The following NLRC4 variants were observed in gnomAD, a reference collection of about 807,000 sequenced individuals.
NLRC4 encodes NLR family CARD domain containing 4.
NLRC4 carries 63 observed loss-of-function variants against 79.9 expected under a neutral mutation model. That is an observed-to-expected ratio of 0.79 (90% CI 0.64 to 0.97). The LOEUF (loss-of-function observed/expected upper bound fraction) is 0.97. Ranked by LOEUF, NLRC4 falls within the 50% of genes least tolerant of loss-of-function variation. NLRC4 has a pLI of 0.00. For missense variants in NLRC4, 1,074 were observed against 1,215.2 expected (o/e 0.88, Z 1.73); for synonymous variants, 461 against 456.5 (o/e 1.01, Z -0.12).
chr2:32,236,187 A>G, intron 7 of NLRC4, 60 bp downstream of exon 7: 1 of 1,055,610 alleles, frequency 9.5e-7, no homozygotes. Context: ...CAGGCTATGT[A>G]TTTCGACTAC....
chr2:32,248,180 A>AC (rs1173881308), intron 4 of NLRC4, among the ~76,000 whole-genome samples: 1 of 152,194 alleles, frequency 6.6e-6, no homozygotes, highest in Non-Finnish European at 1.5e-5. Context: ...TATATATCTA[A>AC]CATTTTCACA....
chr2:32,225,546 T>C (rs919640433), intron 8 of NLRC4, among the ~76,000 whole-genome samples: 3 of 152,142 alleles, frequency 2.0e-5, no homozygotes, highest in Admixed American at 2.0e-4. Context: ...AAAATACCTT[T>C]CTTTCAGGTT....
chr2:32,257,844 G>A (rs1687244828), intron 1 of NLRC4, among the ~76,000 whole-genome samples: 1 of 152,034 alleles, frequency 6.6e-6, no homozygotes, highest in Non-Finnish European at 1.5e-5. Flanking sequence ...GGGCTGTGGG[G>A]TTCCAATCCC....
At chr2:32,254,869 C>G (rs1290625687) in intron 2 of NLRC4, among the ~76,000 whole-genome samples, 2 of 151,790 alleles carry the variant, frequency 1.3e-5, no homozygotes, top group African/African-American at 4.9e-5. Flanking sequence ...CTGCCCGTCT[C>G]AGCTTCCCAA....
At position 32,250,338 on chromosome 2, in the gene NLRC4, AG is replaced by A; in HGVS notation, c.1525del (p.Leu509SerfsTer29). On this transcript the variant is annotated frameshift_variant, in exon 4 of 9. Transcript: ENST00000402280. LOFTEE classifies it high-confidence loss of function. This position sits in a 1 kb window ranked among gnomAD's most constrained non-coding sequence, Gnocchi z 4.9. ...VEATRAVMKHLAAVYQHGCLL... is the reference protein window; with the variant it reads ...VEATRAVMKHXAAVYQHGCLL... ...GCAGCCGTGTTGATACACTGCTGCG[AG>A]GTGCTTCATAACAGCCCTGGTGGCT... is the stretch of plus-strand genomic sequence containing the variant. The A allele has an allele frequency of 6.2e-7, 1 of 1,614,204 alleles. No individual in the cohort carries two copies. The highest frequency in any genetic ancestry group is 8.5e-7 in the Non-Finnish European group (1 of 1,180,032).
chr2:32,249,827 A>G lies in NLRC4; in HGVS notation c.2037T>C (p.Tyr679=), dbSNP rs770457586. 1.2e-6 allele frequency: 2 copies of G among 1,614,184 alleles called. No homozygotes were observed. Among genetic ancestry groups the G allele is most frequent in the Admixed American group, 1.7e-5 (1 of 60,016 alleles). ...TGGCAGAGCTGAATATTTTCCCCAG[A>G]TATCTGATATCTTGCTTATTCAACT... ...FSKLNKQDIR[Y]LGKIFSSATS... Residue 679 remains tyrosine, a synonymous_variant, in exon 4 of 9, where the codon TAT becomes TAC. Transcript: ENST00000402280.
upstream of NLRC4, chr2:32,265,507 A>C (rs1687444997): frequency 6.6e-6 from 1 of 152,342 alleles, no homozygotes; most frequent in Non-Finnish European, 1.5e-5. Flanking sequence ...ATGCTTAACC[A>C]TGGGAGATAG....
At chr2:32,236,864 G>GAAAA (rs1020998082) in intron 6 of NLRC4, among the ~76,000 whole-genome samples, 1 of 64,532 alleles carries the variant, frequency 1.5e-5, no homozygotes, top group South Asian at 3.5e-4. Context: ...AAATGGATGA[G>GAAAA]AAAAAAAACA....
intron 8 of NLRC4, among the ~76,000 whole-genome samples, chr2:32,233,349 A>ATATATATATATATATATATATAT (rs1418146489): frequency 2.4e-5 from 1 of 41,098 alleles, no homozygotes; most frequent in Non-Finnish European, 4.4e-5. Flanking sequence ...ATATATATAT[A>ATATATATATATATATATATATAT]TTTTTTTTTT....
intron 3 of NLRC4, among the ~76,000 whole-genome samples, chr2:32,251,943 G>A (rs1240557020): frequency 6.6e-6 from 1 of 152,140 alleles, no homozygotes; most frequent in Admixed American, 6.5e-5. Flanking sequence ...CCTTCACTCT[G>A]AGTAAAATCT....
chr2:32,250,037 C>A lies in NLRC4; in HGVS notation c.1827G>T (p.Leu609=). ...FEHLPNCASA[L]DFIKLDFYGG... is the part of the protein sequence containing the mutation. ...CATAAAAGTCCAGTTTAATGAAGTC[C>A]AGGGCACTTGCACAATTGGGCAAAT... The change falls in exon 4 of 9, where the codon CTG becomes CTT. Residue 609 remains leucine (L), a synonymous_variant. Transcript: ENST00000402280. The surrounding 1 kb of genome is among the most constrained non-coding windows in gnomAD (Gnocchi z 4.9). 6.8e-6 allele frequency: 11 copies of A among 1,614,170 alleles called. No homozygotes were observed. The highest frequency in any genetic ancestry group is 9.3e-6 in the Non-Finnish European group (11 of 1,180,042).
chr2:32,249,019 T>A (rs773789980), intron 4 of NLRC4, among the ~76,000 whole-genome samples: 3 of 152,244 alleles, frequency 2.0e-5, no homozygotes, highest in African/African-American at 7.2e-5. Context: ...ACAGACTGGT[T>A]CTGGCTGGTT....
At chr2:32,235,921 A>G (rs949678202) in intron 7 of NLRC4, among the ~76,000 whole-genome samples, 9 of 152,110 alleles carry the variant, frequency 5.9e-5, no homozygotes, top group Admixed American at 2.0e-4. Flanking sequence ...ATCACATATC[A>G]CTATCACACC....
At position 32,252,691 on chromosome 2, in the gene NLRC4, G is replaced by A. The variant is rs761516357; in HGVS notation, c.2-12C>T. Reference sequence around the variant, plus strand: ...CTTTATGAAATTCACTGAGGAGATGGGGAGAAATATACATATTTATTTACT... The same window carrying A: ...CTTTATGAAATTCACTGAGGAGATGAGGAGAAATATACATATTTATTTACT... On this transcript the variant is annotated splice_polypyrimidine_tract_variant and intron_variant, in intron 2 of 8. Coordinates refer to ENST00000402280, the MANE Select transcript of NLRC4 (RefSeq NM_001199138.2). 2 of 1,608,256 alleles carry A rather than the reference G, an allele frequency of 1.2e-6. No individual in the cohort carries two copies. The highest frequency in any genetic ancestry group is 1.3e-5 in the African/African-American group (1 of 74,732).
chr2:32,258,279 T>C (rs1156339709), intron 1 of NLRC4, among the ~76,000 whole-genome samples: 3 of 152,196 alleles, frequency 2.0e-5, no homozygotes, highest in Non-Finnish European at 4.4e-5. Context: ...GACGTCCAGC[T>C]GCTTGTATGT....
intron 8 of NLRC4, among the ~76,000 whole-genome samples, chr2:32,232,480 C>G (rs906323185): frequency 2.6e-5 from 4 of 152,196 alleles, no homozygotes; most frequent in Non-Finnish European, 5.9e-5. Flanking sequence ...TTTCATACCT[C>G]TCATTCCACA....
intron 8 of NLRC4, among the ~76,000 whole-genome samples, chr2:32,234,428 C>T (rs1686626293): frequency 6.6e-6 from 1 of 151,964 alleles, no homozygotes; most frequent in African/African-American, 2.4e-5. Flanking sequence ...ATAAATTGTA[C>T]GTTACGTAAA....
intron 1 of NLRC4, 103 bp from the exon 2 acceptor site, chr2:32,256,996 A>C: frequency 4.0e-6 from 2 of 493,944 alleles, no homozygotes; most frequent in South Asian, 6.4e-5. Flanking sequence ...TGGTGACCCA[A>C]ACCAGAAAAA....
At chr2:32,258,136 G>C (rs191473650) in intron 1 of NLRC4, among the ~76,000 whole-genome samples, 2 of 152,112 alleles carry the variant, frequency 1.3e-5, no homozygotes, top group Non-Finnish European at 2.9e-5. Context: ...TTTTTCCCCG[G>C]AGTAAGACCG....
Sources: allele counts gnomAD v4.1 joint callset (sites outside exome capture counted in the v4.1 genomes callset), GRCh38; gene constraint gnomAD v4.1.1; non-coding constraint Gnocchi (gnomAD v3.1); transcripts MANE v1.5; gene names NCBI Gene and HGNC (gene_info 2026-07-23, HGNC 2026-07-21).